The following UHRF1 variants were observed in gnomAD, a reference collection of about 807,000 sequenced individuals.
The protein encoded by UHRF1 is ubiquitin like with PHD and ring finger domains 1.
In UHRF1, 9 loss-of-function variants were observed where a neutral mutation model predicts 96.5. The ratio of observed to expected loss-of-function variants is 0.09; its 90% confidence interval spans 0.06 to 0.16. The LOEUF (loss-of-function observed/expected upper bound fraction) is 0.16. Ranked by LOEUF, UHRF1 falls within the 10% of genes least tolerant of loss-of-function variation. The pLI, the probability that UHRF1 is intolerant of heterozygous loss-of-function variation, is 1.00. For synonymous variants in UHRF1, 455 were observed against 469.9 expected (o/e 0.97, Z 0.41); for missense variants, 626 against 1,131.1 (o/e 0.55, Z 6.40).
At chr19:4,941,091 T>C (rs867889712) in intron 5 of UHRF1, among the ~76,000 whole-genome samples, 1 of 138,024 alleles carries the variant, frequency 7.2e-6, no homozygotes, top group Non-Finnish European at 1.6e-5. Context: ...TTTTGTTTTT[T>C]TTTTTTTTTT....
chr19:4,909,688 C>G, intron 1 of UHRF1, 33 bp downstream of exon 1: 7 of 510,156 alleles, frequency 1.4e-5, no homozygotes, highest in Non-Finnish European at 2.4e-5. Context: ...GGTGCCAGCC[C>G]GGGCCGGGCG....
At chr19:4,927,802 GA>G (rs1439946914) in intron 2 of UHRF1, among the ~76,000 whole-genome samples, 8 of 152,250 alleles carry the variant, frequency 5.3e-5, no homozygotes, top group African/African-American at 1.9e-4. Flanking sequence ...GCCCATCCCA[GA>G]GTGGTCAGCC....
At chr19:4,911,929 G>A (rs2032294706) in intron 2 of UHRF1, among the ~76,000 whole-genome samples, 2 of 152,272 alleles carry the variant, frequency 1.3e-5, no homozygotes, top group East Asian at 1.9e-4. Context: ...ACCCCACTGT[G>A]TTGTTGTTGG....
At chr19:4,910,690 C>G in intron 1 of UHRF1, 186 bp from the exon 2 acceptor site, 1 of 507,092 alleles carries the variant, frequency 2.0e-6, no homozygotes, top group East Asian at 3.3e-5. Context: ...TCGTTAATGC[C>G]TTAAGTGCTT....
rs540632086 is a variant in UHRF1, at chr19:4,954,528, G to C, written c.1957+40G>C. The stretch of plus-strand genomic sequence containing the variant: ...GGTGTGGGGTGAGCGTCTTGTGTGT[G>C]GGGGAGCAGGTGGGCATCTCGCGGG... On this transcript the variant is annotated intron_variant, in intron 14 of 16. Coordinates refer to ENST00000650932, the MANE Select transcript of UHRF1 (RefSeq NM_001048201.3). The surrounding 1 kb of genome is among the most constrained non-coding windows in gnomAD (Gnocchi z 5.9). 3.1e-6 allele frequency: 5 copies of C among 1,589,336 alleles called. No individual in the cohort carries two copies. The African/African-American group carries it at 4.0e-5, about 13-fold the overall frequency.
intron 2 of UHRF1, among the ~76,000 whole-genome samples, chr19:4,916,275 C>T (rs1292357417): frequency 6.6e-6 from 1 of 150,684 alleles, no homozygotes; most frequent in Middle Eastern, 3.2e-3. Flanking sequence ...CACTGCATTC[C>T]AGCCTGGGAG....
chr19:4,942,433 G>A (rs375782004), intron 7 of UHRF1, among the ~76,000 whole-genome samples: 1 of 151,706 alleles, frequency 6.6e-6, no homozygotes, highest in Admixed American at 6.6e-5. Context: ...CTCGTGATCC[G>A]TCCGTTTCGG....
chr19:4,945,444 A>C (rs1243475711), intron 9 of UHRF1, among the ~76,000 whole-genome samples: 2 of 151,920 alleles, frequency 1.3e-5, no homozygotes, highest in Non-Finnish European at 2.9e-5. Flanking sequence ...TTTTTGGTAG[A>C]GATGGGGTTT....
upstream of UHRF1, among the ~76,000 whole-genome samples, chr19:4,908,415 C>T (rs1312165819): frequency 6.6e-6 from 1 of 152,112 alleles, no homozygotes; most frequent in African/African-American, 2.4e-5. Context: ...AGACCAAAGT[C>T]CTCCCCGGTG....
intron 5 of UHRF1, among the ~76,000 whole-genome samples, chr19:4,933,795 G>C (rs1599268617): frequency 6.6e-6 from 1 of 152,100 alleles, no homozygotes; most frequent in African/African-American, 2.4e-5. Flanking sequence ...TTGGGACGTG[G>C]TCACACCCAT....
In UHRF1 at chr19:4,959,720, C is replaced by T. The variant is rs557573889; in HGVS notation, c.2236-937C>T. Among the ~76,000 whole-genome samples, 41 of 152,106 alleles carry T rather than the reference C, an allele frequency of 2.7e-4. No homozygotes were observed. The Middle Eastern group carries it at 0.014, about 50-fold the overall frequency. ...GTGTATGTTTATTTTTTATTTTTTT[C>T]GAGACAAGGTCTTGCTTTGTCGCTC... On this transcript the variant is annotated intron_variant, in intron 16 of 16. Coordinates refer to ENST00000650932, the MANE Select transcript of UHRF1 (RefSeq NM_001048201.3).
In UHRF1 at chr19:4,951,947, C is replaced by T. The variant is rs538602521; in HGVS notation, c.1818+951C>T. On this transcript the variant is annotated intron_variant, in intron 13 of 16. Coordinates refer to ENST00000650932, the MANE Select transcript of UHRF1 (RefSeq NM_001048201.3). ...CTATTTAAGGAATCTTAATTGCTGT[C>T]GAGAGCCTGATGTCCTCTACCCGAG... is the stretch of plus-strand genomic sequence containing the variant. 5.3e-5 allele frequency among the ~76,000 whole-genome samples: 8 copies of T among 152,256 alleles called. No homozygotes were observed. The East Asian group carries it at 7.7e-4, about 15-fold the overall frequency.
intron 4 of UHRF1, among the ~76,000 whole-genome samples, chr19:4,931,795 C>G (rs575624431): frequency 1.3e-5 from 2 of 152,020 alleles, no homozygotes; most frequent in African/African-American, 4.8e-5. Context: ...CAGTTTCACT[C>G]TGTCCCCCAG....
intron 7 of UHRF1, 97 bp from the exon 8 acceptor site, chr19:4,944,035 C>A (rs898542799): frequency 7.8e-6 from 12 of 1,539,390 alleles, no homozygotes; most frequent in Non-Finnish European, 1.1e-5. Flanking sequence ...TGGTGCCAGG[C>A]GGGGAGAGCC....
intron 5 of UHRF1, among the ~76,000 whole-genome samples, chr19:4,939,816 A>G (rs898469846): frequency 2.9e-4 from 44 of 152,152 alleles, no homozygotes; most frequent in African/African-American, 1.0e-3. Flanking sequence ...CAAGGTCAGG[A>G]GATCGAGACC....
In UHRF1 at chr19:4,922,463, T is replaced by C. The variant is rs183736505; in HGVS notation, c.154-6759T>C. 1.5e-3 allele frequency among the ~76,000 whole-genome samples: 224 copies of C among 149,628 alleles called. 1 individual carries two copies. In the Middle Eastern group the frequency reaches 0.025, roughly 17 times the overall value. On this transcript the variant is annotated intron_variant, in intron 2 of 16. Coordinates refer to ENST00000650932, the MANE Select transcript of UHRF1 (RefSeq NM_001048201.3). Reference sequence around the variant, plus strand: ...TGTGTTTTCAGTAGAGATGGGGTTTTGCCATGTTGGCCAGGCTGGTCTCGA... The same window carrying C: ...TGTGTTTTCAGTAGAGATGGGGTTTCGCCATGTTGGCCAGGCTGGTCTCGA...
intron 7 of UHRF1, among the ~76,000 whole-genome samples, chr19:4,943,495 G>GA (rs2033469497): frequency 7.5e-6 from 1 of 133,210 alleles, no homozygotes; most frequent in Admixed American, 7.6e-5. Context: ...TTGTTGCCCT[G>GA]CCCCCCCTCC....
upstream of UHRF1, among the ~76,000 whole-genome samples, chr19:4,906,211 G>A (rs569092332): frequency 2.6e-5 from 4 of 152,032 alleles, no homozygotes; most frequent in South Asian, 2.1e-4. Context: ...ACTCCCGGGC[G>A]CAAGAGATCA....
upstream of UHRF1, among the ~76,000 whole-genome samples, chr19:4,906,007 C>G (rs2146265999): frequency 6.6e-6 from 1 of 152,216 alleles, no homozygotes; most frequent in South Asian, 2.1e-4. Flanking sequence ...GACAGAGTCT[C>G]CTTCTGTCAC....
Sources: gnomAD v4.1 joint callset for allele counts (sites outside exome capture counted in the v4.1 genomes callset) on GRCh38, gnomAD v4.1.1 for gene constraint, Gnocchi (gnomAD v3.1) non-coding constraint, MANE v1.5 for transcripts, NCBI Gene and HGNC (gene_info 2026-07-23, HGNC 2026-07-21) for gene names.